HS6ST3: variants seen among roughly 807,000 people sequenced by gnomAD.
The protein encoded by HS6ST3 is heparan sulfate 6-O-sulfotransferase 3.
In HS6ST3, 12 loss-of-function variants were observed where a neutral mutation model predicts 36.7. That is an observed-to-expected ratio of 0.33 (90% CI 0.21 to 0.53). HS6ST3 has a LOEUF of 0.53. Ranked by LOEUF, HS6ST3 falls within the 20% of genes least tolerant of loss-of-function variation. The pLI, the probability that HS6ST3 is intolerant of heterozygous loss-of-function variation, is 0.95. For missense variants in HS6ST3, 584 were observed against 640.9 expected (o/e 0.91, Z 0.96); for synonymous variants, 240 against 257.5 (o/e 0.93, Z 0.65).
intron 1 of HS6ST3, among the ~76,000 whole-genome samples, chr13:96,275,989 C>T (rs1481481348): frequency 2.0e-5 from 3 of 151,730 alleles, no homozygotes; most frequent in Non-Finnish European, 2.9e-5. Context: ...AGGAGTTAGT[C>T]GGCCTGGTTC....
chr13:96,314,842 A>G (rs1313038211), intron 1 of HS6ST3, among the ~76,000 whole-genome samples: 3 of 152,220 alleles, frequency 2.0e-5, no homozygotes. Context: ...CAAATATTTC[A>G]TTTTATTACT....
intron 1 of HS6ST3, among the ~76,000 whole-genome samples, chr13:96,533,588 G>T (rs1173192408): frequency 1.3e-5 from 2 of 152,092 alleles, no homozygotes; most frequent in African/African-American, 4.8e-5. Context: ...CATCAACGGG[G>T]GCAGATCAGC....
intron 1 of HS6ST3, among the ~76,000 whole-genome samples, chr13:96,565,746 T>C (rs995594170): frequency 3.3e-5 from 5 of 152,144 alleles, no homozygotes; most frequent in African/African-American, 1.2e-4. Context: ...GCCTGGCTTA[T>C]AGTCTGATCA....
chr13:96,185,780 C>T (rs1398751630), intron 1 of HS6ST3, among the ~76,000 whole-genome samples: 1 of 152,116 alleles, frequency 6.6e-6, no homozygotes, highest in Non-Finnish European at 1.5e-5. Context: ...AATAAAGGTA[C>T]TTGAAATACT....
At chr13:96,142,151 A>G (rs2054035336) in intron 1 of HS6ST3, among the ~76,000 whole-genome samples, 1 of 152,118 alleles carries the variant, frequency 6.6e-6, no homozygotes, top group Admixed American at 6.6e-5. Context: ...GAAGAAATGA[A>G]TATTTTCAAT....
chr13:96,803,599 T>TA (rs1283393910), intron 1 of HS6ST3, among the ~76,000 whole-genome samples: 2 of 152,206 alleles, frequency 1.3e-5, no homozygotes, highest in African/African-American at 4.8e-5. Flanking sequence ...GACTCTGAGT[T>TA]AAAACCACTG....
At chr13:96,638,664 G>T (rs2056558182) in intron 1 of HS6ST3, among the ~76,000 whole-genome samples, 1 of 151,772 alleles carries the variant, frequency 6.6e-6, no homozygotes, top group African/African-American at 2.4e-5. Context: ...TGTGAAGAAG[G>T]ACATGTTTGC....
At chr13:96,111,241 A>T (rs1410817583) in intron 1 of HS6ST3, among the ~76,000 whole-genome samples, 1 of 152,232 alleles carries the variant, frequency 6.6e-6, no homozygotes, top group Non-Finnish European at 1.5e-5. Context: ...ACAGATGAAC[A>T]ATACTATTCA....
chr13:96,801,093 G>A (rs1430362096), intron 1 of HS6ST3, among the ~76,000 whole-genome samples: 2 of 152,094 alleles, frequency 1.3e-5, no homozygotes, highest in Non-Finnish European at 2.9e-5. Flanking sequence ...ATTTGACGCA[G>A]TTGTCCACTC....
intron 1 of HS6ST3, among the ~76,000 whole-genome samples, chr13:96,508,573 G>A (rs1226758180): frequency 2.0e-5 from 3 of 152,060 alleles, no homozygotes; most frequent in Middle Eastern, 3.4e-3. Context: ...ATATCATTCT[G>A]TATGCCTTTG....
intron 1 of HS6ST3, among the ~76,000 whole-genome samples, chr13:96,183,276 G>A: frequency 6.6e-6 from 1 of 152,026 alleles, no homozygotes; most frequent in South Asian, 2.1e-4. Flanking sequence ...CTTCATGTTT[G>A]GTAAGAGAGG....
chr13:96,190,714 A>T (rs1375311980), intron 1 of HS6ST3, among the ~76,000 whole-genome samples: 2 of 152,224 alleles, frequency 1.3e-5, no homozygotes, highest in African/African-American at 4.8e-5. Context: ...GTGAGTGAGA[A>T]TACAGGGAAA....
At chr13:96,484,856 A>G (rs2055906544) in intron 1 of HS6ST3, among the ~76,000 whole-genome samples, 1 of 152,110 alleles carries the variant, frequency 6.6e-6, no homozygotes. Flanking sequence ...CTTTGGATGT[A>G]TGTGAGATTG....
At chr13:96,701,700 C>A (rs909676585) in intron 1 of HS6ST3, among the ~76,000 whole-genome samples, 1 of 152,130 alleles carries the variant, frequency 6.6e-6, no homozygotes, top group Non-Finnish European at 1.5e-5. Context: ...TGTCTCACGC[C>A]TGTAGTCCCA....
chr13:96,183,735 G>A (rs558813092), intron 1 of HS6ST3, among the ~76,000 whole-genome samples: 2 of 152,178 alleles, frequency 1.3e-5, no homozygotes, highest in Admixed American at 6.5e-5. Flanking sequence ...CAAATTCATG[G>A]AGACAGAAAA....
At chr13:96,591,440 T>C (rs2138975637) in intron 1 of HS6ST3, among the ~76,000 whole-genome samples, 1 of 152,242 alleles carries the variant, frequency 6.6e-6, no homozygotes, top group Non-Finnish European at 1.5e-5. Flanking sequence ...TCTAGGTATT[T>C]AAGTTTATGT....
At chr13:96,785,434 A>T (rs1035607555) in intron 1 of HS6ST3, among the ~76,000 whole-genome samples, 2 of 152,224 alleles carry the variant, frequency 1.3e-5, no homozygotes, top group Non-Finnish European at 2.9e-5. Flanking sequence ...AAACTGAACT[A>T]TGTGAAATTG....
intron 1 of HS6ST3, among the ~76,000 whole-genome samples, chr13:96,703,632 G>A (rs1296282045): frequency 2.0e-5 from 3 of 152,118 alleles, no homozygotes; most frequent in Non-Finnish European, 2.9e-5. Flanking sequence ...GATTTGTTGG[G>A]ATTATTTATT....
chr13:96,092,412 A>C (rs1408951148), intron 1 of HS6ST3, among the ~76,000 whole-genome samples: 1 of 152,250 alleles, frequency 6.6e-6, no homozygotes, highest in African/African-American at 2.4e-5. Flanking sequence ...GAATTAAGAA[A>C]GTTAAAAATC....
Sources: gnomAD v4.1 joint callset for allele counts (sites outside exome capture counted in the v4.1 genomes callset) on GRCh38, gnomAD v4.1.1 for gene constraint, MANE v1.5 for transcripts, NCBI Gene and HGNC (gene_info 2026-07-23, HGNC 2026-07-21) for gene names.